The following CNTN5 variants were observed in gnomAD, a reference collection of about 807,000 sequenced individuals.
CNTN5 encodes the protein contactin-5.
Under a neutral mutation model 129.1 loss-of-function variants are expected in CNTN5, and 77 were observed. That is an observed-to-expected ratio of 0.60 (90% confidence interval 0.50 to 0.72). The LOEUF is 0.72. CNTN5 is among the 30% of genes least tolerant of loss of function. The pLI is 0.00. For missense variants in CNTN5, 1,478 were observed against 1,328.8 expected (o/e 1.11, Z -1.75); for synonymous variants, 509 against 465.6 (o/e 1.09, Z -1.20).
intron 1 of CNTN5, among the ~76,000 whole-genome samples, chr11:99,171,349 A>G (rs1861140053): frequency 6.6e-6 from 1 of 152,222 alleles, no homozygotes; most frequent in African/African-American, 2.4e-5. Flanking sequence ...AAAAGTTTTA[A>G]CTGCCTAATT....
At chr11:100,060,310 T>G (rs186980894) in intron 9 of CNTN5, among the ~76,000 whole-genome samples, 143 of 152,080 alleles carry the variant, frequency 9.4e-4, no homozygotes, top group Non-Finnish European at 1.6e-3. Context: ...ATGAAATAAT[T>G]TGCAACTATT....
intron 2 of CNTN5, among the ~76,000 whole-genome samples, chr11:99,374,917 A>T (rs1459681902): frequency 9.2e-5 from 14 of 152,180 alleles, no homozygotes; most frequent in Admixed American, 9.2e-4. Context: ...AACATCCACG[A>T]TACTAGCAGG....
At chr11:99,468,797 C>T (rs1945051533) in intron 2 of CNTN5, among the ~76,000 whole-genome samples, 2 of 148,350 alleles carry the variant, frequency 1.3e-5, no homozygotes, top group South Asian at 2.1e-4. Context: ...TGCAATGTTG[C>T]GATCTTGGCT....
At chr11:99,338,263 CT>C (rs1866328493) in intron 2 of CNTN5, among the ~76,000 whole-genome samples, 1 of 152,152 alleles carries the variant, frequency 6.6e-6, no homozygotes, top group African/African-American at 2.4e-5. Context: ...TCAAACAGCT[CT>C]ATACTTGAGT....
chr11:99,819,313 T>TCCTCC (rs1565566894), intron 3 of CNTN5, among the ~76,000 whole-genome samples: 94 of 17,932 alleles, frequency 5.2e-3, no homozygotes, highest in Non-Finnish European at 6.1e-3. Context: ...CCCTCCCCTC[T>TCCTCC]CCTCCCCTCC....
chr11:99,899,286 C>T (rs2135942397), intron 6 of CNTN5, among the ~76,000 whole-genome samples: 1 of 152,082 alleles, frequency 6.6e-6, no homozygotes. Context: ...GTTAAAGTAG[C>T]CATCCTTGTC....
intron 6 of CNTN5, among the ~76,000 whole-genome samples, chr11:99,903,836 A>G (rs960310543): frequency 6.6e-6 from 1 of 152,182 alleles, no homozygotes; most frequent in African/African-American, 2.4e-5. Context: ...AAAACAAATA[A>G]TCTGATTTAC....
intron 2 of CNTN5, among the ~76,000 whole-genome samples, chr11:99,514,704 C>T (rs1946978055): frequency 6.6e-6 from 1 of 151,982 alleles, no homozygotes; most frequent in Non-Finnish European, 1.5e-5. Flanking sequence ...TTACCTAATG[C>T]TATTGCACAC....
At chr11:99,750,516 A>T (rs923979624) in intron 3 of CNTN5, among the ~76,000 whole-genome samples, 1 of 151,280 alleles carries the variant, frequency 6.6e-6, no homozygotes, top group Non-Finnish European at 1.5e-5. Context: ...GTTCCTTTCT[A>T]TCTGAGAGCT....
chr11:99,844,550 TATC>T (rs913316698), intron 4 of CNTN5: 36 of 378,658 alleles, frequency 9.5e-5, no homozygotes, highest in Middle Eastern at 8.5e-4. Flanking sequence ...TTAATATTAT[TATC>T]CTTCAGTCTG....
At chr11:99,800,249 A>G (rs1946072446) in intron 3 of CNTN5, among the ~76,000 whole-genome samples, 1 of 152,004 alleles carries the variant, frequency 6.6e-6, no homozygotes, top group South Asian at 2.1e-4. Context: ...AAAATTGTCT[A>G]ATACTTGGTT....
At chr11:100,249,370 G>A (rs1200285795) in intron 16 of CNTN5, among the ~76,000 whole-genome samples, 1 of 152,162 alleles carries the variant, frequency 6.6e-6, no homozygotes, top group Non-Finnish European at 1.5e-5. Context: ...GAATCCATGA[G>A]AACATGGCTT....
At chr11:99,399,094 A>G (rs1408850984) in intron 2 of CNTN5, among the ~76,000 whole-genome samples, 2 of 151,704 alleles carry the variant, frequency 1.3e-5, no homozygotes, top group East Asian at 1.9e-4. Context: ...CTGAGACAGC[A>G]TTTAACATTT....
intron 3 of CNTN5, among the ~76,000 whole-genome samples, chr11:99,697,546 C>T (rs771791432): frequency 6.6e-6 from 1 of 151,280 alleles, no homozygotes; most frequent in South Asian, 2.1e-4. Context: ...TCATCAAAAA[C>T]AATGAGTGGC....
chr11:100,257,090 G>T (rs570533908), intron 17 of CNTN5, among the ~76,000 whole-genome samples: 3 of 152,300 alleles, frequency 2.0e-5, no homozygotes, highest in African/African-American at 7.2e-5. Flanking sequence ...GGATGCTTGA[G>T]CTTGGTCAGG....
intron 1 of CNTN5, among the ~76,000 whole-genome samples, chr11:99,321,688 G>A (rs1455560663): frequency 1.3e-5 from 2 of 152,152 alleles, no homozygotes; most frequent in South Asian, 4.1e-4. Flanking sequence ...CTACTCAAAA[G>A]CTATTCCTTC....
At chr11:99,707,936 A>G (rs1301086045) in intron 3 of CNTN5, among the ~76,000 whole-genome samples, 1 of 151,700 alleles carries the variant, frequency 6.6e-6, no homozygotes, top group Non-Finnish European at 1.5e-5. Flanking sequence ...TTTAAAAGGT[A>G]TAAAGCACTT....
chr11:100,050,268 A>C (rs1187124516), intron 9 of CNTN5, among the ~76,000 whole-genome samples: 11 of 152,058 alleles, frequency 7.2e-5, no homozygotes, highest in African/African-American at 2.7e-4. Flanking sequence ...AATGTGGCAC[A>C]TATACACCAT....
At chr11:99,978,066 C>T (rs923691711) in intron 8 of CNTN5, among the ~76,000 whole-genome samples, 6 of 152,274 alleles carry the variant, frequency 3.9e-5, no homozygotes, top group South Asian at 2.1e-4. Context: ...GAATTCCAGT[C>T]GCCTAGTGAC....
Sources: allele counts gnomAD v4.1 joint callset (sites outside exome capture counted in the v4.1 genomes callset), GRCh38; gene constraint gnomAD v4.1.1; transcripts MANE v1.5; gene names NCBI Gene and HGNC (gene_info 2026-07-23, HGNC 2026-07-21).